The following AACS variants were observed in gnomAD, a reference collection of about 807,000 sequenced individuals.
AACS encodes acetoacetate-CoA ligase.
In AACS, 69 loss-of-function variants were observed where a neutral mutation model predicts 83.1. The ratio of observed to expected loss-of-function variants is 0.83; its 90% confidence interval spans 0.68 to 1.01. The LOEUF (loss-of-function observed/expected upper bound fraction) is 1.01, where lower values mean the gene tolerates loss of function less well. AACS is among the 50% of genes least tolerant of loss of function. The probability of loss-of-function intolerance (pLI) is 0.00; values close to 1 mark genes in which losing one functional copy is unlikely to be tolerated. For synonymous variants in AACS, 333 were observed against 343.4 expected (o/e 0.97, Z 0.33); for missense variants, 866 against 882.2 (o/e 0.98, Z 0.23).
Position 125,073,893 on chromosome 12 carries a change from TACC to T in AACS, c.153_155del (p.His52del). 4 of 1,613,740 alleles carry T rather than the reference TACC, an allele frequency of 2.5e-6. No homozygotes were observed. Among genetic ancestry groups the T allele is most frequent in the Non-Finnish European group, 2.5e-6 (3 of 1,179,782 alleles). Reference sequence around the variant, plus strand: ...ATTTTTAGAGAGTTATGATGACTTGTACCATTGGTCCGTTGAGTCATATTCAGA... The same window carrying T: ...ATTTTTAGAGAGTTATGATGACTTGTATTGGTCCGTTGAGTCATATTCAGA... On this transcript the variant is annotated inframe_deletion, in exon 2 of 18. Coordinates refer to ENST00000316519, the MANE Select transcript of AACS (RefSeq NM_023928.5).
intron 1 of AACS, among the ~76,000 whole-genome samples, chr12:125,066,607 G>A (rs1400722569): frequency 1.3e-5 from 2 of 151,792 alleles, no homozygotes; most frequent in African/African-American, 2.4e-5. Flanking sequence ...ACACCACCAC[G>A]CCTGGCTAAT....
chr12:125,128,266 A>T lies in AACS; in HGVS notation c.1415A>T (p.Asn472Ile). Residue 472 changes from asparagine to isoleucine, a missense_variant, in exon 13 of 18, where the codon AAC becomes ATC. Transcript: ENST00000316519. ...RNLGMAVEAW[N>I]EEGKAVWGES... ...CTGGGCATGGCCGTGGAAGCGTGGA[A>T]CGAGGAAGGTGATGGCTCCACCAAC... 6.2e-7 allele frequency: 1 copy of T among 1,611,300 alleles called. No homozygotes were observed. The highest frequency in any genetic ancestry group is 8.5e-7 in the Non-Finnish European group (1 of 1,178,112).
chr12:125,070,757 C>T (rs1421716994), intron 1 of AACS, among the ~76,000 whole-genome samples: 3 of 152,062 alleles, frequency 2.0e-5, no homozygotes, highest in Non-Finnish European at 2.9e-5. Context: ...TAGTAGTAGC[C>T]CCATTTCACA....
intron 13 of AACS, 63 bp downstream of exon 13, chr12:125,128,337 C>G (rs948385260): frequency 1.4e-6 from 2 of 1,436,726 alleles, no homozygotes; most frequent in Non-Finnish European, 1.9e-6. Flanking sequence ...TGGGAGCGTT[C>G]GGATGTGTAA....
intron 5 of AACS, among the ~76,000 whole-genome samples, chr12:125,095,677 G>A (rs920915985): frequency 6.6e-6 from 1 of 152,182 alleles, no homozygotes; most frequent in Non-Finnish European, 1.5e-5. Flanking sequence ...TATTCTTGAC[G>A]CTGGGCTTTG....
At chr12:125,082,689 C>T (rs867493853) in intron 3 of AACS, among the ~76,000 whole-genome samples, 19 of 152,072 alleles carry the variant, frequency 1.2e-4, no homozygotes, top group Middle Eastern at 6.8e-3. Flanking sequence ...GGTGTGGTGG[C>T]GGGTGCCTGT....
intron 1 of AACS, among the ~76,000 whole-genome samples, chr12:125,069,465 G>T (rs1455110989): frequency 6.6e-6 from 1 of 152,218 alleles, no homozygotes; most frequent in East Asian, 1.9e-4. Context: ...CCACAGGTTG[G>T]TTGGTTCTTG....
intron 17 of AACS, chr12:125,141,808 G>T: frequency 2.7e-6 from 1 of 363,924 alleles, no homozygotes; most frequent in Non-Finnish European, 5.0e-6. Flanking sequence ...CAGGGGGCGG[G>T]GGTGGGGTGT....
chr12:125,132,905 G>A (rs1314802797), intron 14 of AACS, among the ~76,000 whole-genome samples: 1 of 152,220 alleles, frequency 6.6e-6, no homozygotes, highest in African/African-American at 2.4e-5. Flanking sequence ...GTTAGCTCTT[G>A]CCACAGAGTG....
At chr12:125,103,136 G>T in intron 7 of AACS, 55 bp downstream of exon 7, 1 of 1,475,904 alleles carries the variant, frequency 6.8e-7, no homozygotes, top group South Asian at 1.2e-5. Flanking sequence ...GAGCTCCTGC[G>T]GGGAAGTAGG....
rs1349431927 is a variant in AACS, at chr12:125,134,849, A to G, written c.1675A>G (p.Ile559Val). The G allele has an allele frequency of 2.7e-5, 43 of 1,613,806 alleles. No individual in the cohort carries two copies. Among genetic ancestry groups the G allele is most frequent in the Non-Finnish European group, 3.4e-5 (40 of 1,179,956 alleles). Residue 559 changes from isoleucine (I) to valine (V), a missense_variant, in exon 16 of 18, where the codon ATT becomes GTT. Transcript: ENST00000316519. Reference sequence around the variant, plus strand: ...GTTCGGCAGCTCGGAAATCTATAACATTGGTACGTGCTTCCCCTCCCTGAG... The same window carrying G: ...GTTCGGCAGCTCGGAAATCTATAACGTTGGTACGTGCTTCCCCTCCCTGAG... Reference protein sequence around the residue: ...VRFGSSEIYNIVESFEEVEDS... With the variant: ...VRFGSSEIYNVVESFEEVEDS...
Position 125,124,699 on chromosome 12 carries a change from C to T in AACS, c.1122-6C>T, listed in dbSNP as rs116873665. 24,956 of 1,613,650 alleles carry T rather than the reference C, an allele frequency of 0.015. 215 individuals are homozygous for T. Among genetic ancestry groups the T allele is most frequent in the Non-Finnish European group, 0.018 (21,068 of 1,179,940 alleles). On this transcript the variant is annotated splice_region_variant and splice_polypyrimidine_tract_variant and intron_variant, in intron 10 of 17. Coordinates refer to ENST00000316519, the MANE Select transcript of AACS (RefSeq NM_023928.5). ...TCTGGTGTTTTCTTTCCCGCCTGCA[C>T]CCTAGCATCACTGTCCTGGTAACTG...
At chr12:125,091,577 G>A in intron 5 of AACS, 54 bp downstream of exon 5, 1 of 1,573,618 alleles carries the variant, frequency 6.4e-7, no homozygotes, top group Non-Finnish European at 8.7e-7. Flanking sequence ...AGCATCCTGG[G>A]CAGGGGCTGC....
Position 125,065,513 on chromosome 12 carries a change from T to C in AACS, c.-72T>C. On this transcript the variant is annotated 5_prime_UTR_variant, in exon 1 of 18. Coordinates refer to ENST00000316519, the MANE Select transcript of AACS (RefSeq NM_023928.5). ...GACCGTCGCTTCCTCCGGTCCCAGG[T>C]CCCCGGCCCTCGCCTCAGCCCCGGC... is the stretch of plus-strand genomic sequence containing the variant. 1 of 1,361,678 alleles carries C rather than the reference T, an allele frequency of 7.3e-7. No individual in the cohort carries two copies. Among genetic ancestry groups the C allele is most frequent in the Non-Finnish European group, 9.5e-7 (1 of 1,053,434 alleles). 84.3% of individuals were successfully genotyped at this position (1,361,678 alleles called of 1,614,324 possible).
intron 5 of AACS, chr12:125,102,352 A>G (rs907369427): frequency 7.2e-6 from 2 of 276,160 alleles, no homozygotes; most frequent in Admixed American, 4.7e-5. Flanking sequence ...GCCCGGCCTC[A>G]TCGACTTTCT....
chr12:125,120,021 T>C (rs1957126710), intron 10 of AACS: 1 of 152,222 alleles, frequency 6.6e-6, no homozygotes, highest in South Asian at 2.1e-4. Context: ...GGTGGTCATT[T>C]ATTTCCTGTG....
At chr12:125,122,279 G>C (rs189043592) in intron 10 of AACS, 1 of 152,384 alleles carries the variant, frequency 6.6e-6, no homozygotes, top group African/African-American at 2.4e-5. Flanking sequence ...GTTTTTCCCC[G>C]AGTGGAATGG....
intron 17 of AACS, among the ~76,000 whole-genome samples, chr12:125,137,726 A>G (rs1235876045): frequency 3.3e-5 from 5 of 152,216 alleles, no homozygotes; most frequent in Non-Finnish European, 5.9e-5. Context: ...GCAAGCTGAC[A>G]GAAGCTGCTG....
At chr12:125,105,438 C>T (rs1417918975) in intron 7 of AACS, 5 of 152,182 alleles carry the variant, frequency 3.3e-5, no homozygotes, top group Non-Finnish European at 5.9e-5. Flanking sequence ...GGTGCCAGAG[C>T]GCTGGCTTTC....
Sources: allele counts gnomAD v4.1 joint callset (sites outside exome capture counted in the v4.1 genomes callset), GRCh38; gene constraint gnomAD v4.1.1; transcripts MANE v1.5; gene names NCBI Gene and HGNC (gene_info 2026-07-23, HGNC 2026-07-21).